The following ROBO2 variants were observed in gnomAD, a reference collection of about 807,000 sequenced individuals.
The protein encoded by ROBO2 is roundabout homolog 2.
ROBO2 carries 53 observed loss-of-function variants against 160.8 expected under a neutral mutation model. The observed-to-expected ratio is 0.33, with a 90% CI of 0.26 to 0.41. The LOEUF (loss-of-function observed/expected upper bound fraction) is 0.41, where lower values mean the gene tolerates loss of function less well. ROBO2 is among the 10% of genes least tolerant of loss of function. The pLI, the probability that ROBO2 is intolerant of heterozygous loss-of-function variation, is 1.00. For synonymous variants in ROBO2, 664 were observed against 611.7 expected, an observed-to-expected ratio of 1.09 and a Z score of -1.26; for missense variants, 1,577 against 1,722.4, an observed-to-expected ratio of 0.92 and a Z score of 1.49.
At chr3:77,637,025 C>T (rs2095275181) in intron 24 of ROBO2, among the ~76,000 whole-genome samples, 1 of 152,192 alleles carries the variant, frequency 6.6e-6, no homozygotes, top group African/African-American at 2.4e-5. Flanking sequence ...CCTATAAGCA[C>T]ACAAACATTA....
chr3:77,083,723 A>C (rs2068938340), intron 1 of ROBO2, among the ~76,000 whole-genome samples: 1 of 152,068 alleles, frequency 6.6e-6, no homozygotes, highest in Non-Finnish European at 1.5e-5. Flanking sequence ...GAAGAGTTAA[A>C]CCCCACAACC....
intron 2 of ROBO2, among the ~76,000 whole-genome samples, chr3:77,112,193 CAAA>C (rs373201643): frequency 0.012 from 815 of 68,660 alleles, 7 homozygotes; most frequent in African/African-American, 0.054. Flanking sequence ...AGACTCGTCT[CAAA>C]AAAAAAAAAA....
intron 2 of ROBO2, among the ~76,000 whole-genome samples, chr3:76,487,054 C>T (rs1032861500): frequency 6.6e-6 from 1 of 152,128 alleles, no homozygotes; most frequent in African/African-American, 2.4e-5. Flanking sequence ...ATGACAGCAT[C>T]GAACTCCTGG....
intron 2 of ROBO2, among the ~76,000 whole-genome samples, chr3:76,469,315 T>C (rs1670220963): frequency 6.6e-6 from 1 of 152,114 alleles, no homozygotes. Flanking sequence ...GTAATGCTCT[T>C]ATTCTAATAG....
At chr3:77,644,136 G>A (rs1583485040) in intron 24 of ROBO2, among the ~76,000 whole-genome samples, 1 of 151,246 alleles carries the variant, frequency 6.6e-6, no homozygotes, top group Non-Finnish European at 1.5e-5. Flanking sequence ...AAAAAAATTA[G>A]CATATTATTT....
intron 2 of ROBO2, among the ~76,000 whole-genome samples, chr3:76,377,793 T>G (rs998598882): frequency 3.3e-5 from 5 of 152,150 alleles, no homozygotes; most frequent in African/African-American, 1.2e-4. Context: ...GTGTATGTAT[T>G]TTTTCTTAAT....
At chr3:76,796,498 AGG>A (rs1491265845) in intron 2 of ROBO2, among the ~76,000 whole-genome samples, 13 of 122,632 alleles carry the variant, frequency 1.1e-4, no homozygotes, top group African/African-American at 5.2e-4. Flanking sequence ...GAAGGAAGGA[AGG>A]AAAGAAGGAA....
At chr3:75,985,230 C>A (rs1259188372) in intron 2 of ROBO2, among the ~76,000 whole-genome samples, 1 of 151,446 alleles carries the variant, frequency 6.6e-6, no homozygotes, top group Admixed American at 6.6e-5. Flanking sequence ...TTCTCACCTG[C>A]TTCAGACTTT....
chr3:77,402,091 A>G (rs1322359080), intron 2 of ROBO2, among the ~76,000 whole-genome samples: 5 of 152,196 alleles, frequency 3.3e-5, no homozygotes, highest in African/African-American at 1.2e-4. Flanking sequence ...ATGAAATACT[A>G]TGCAACCATA....
At chr3:76,418,423 T>C (rs974180239) in intron 2 of ROBO2, among the ~76,000 whole-genome samples, 1 of 150,276 alleles carries the variant, frequency 6.7e-6, no homozygotes, top group African/African-American at 2.4e-5. Flanking sequence ...GTATTTTTAG[T>C]AGAGACAGGG....
chr3:76,212,096 A>C (rs1011445368), intron 2 of ROBO2, among the ~76,000 whole-genome samples: 1 of 152,042 alleles, frequency 6.6e-6, no homozygotes, highest in Non-Finnish European at 1.5e-5. Flanking sequence ...AAAAGGAATT[A>C]TTCAATTATG....
chr3:77,602,516 G>A, intron 20 of ROBO2, 25 bp downstream of exon 21: 1 of 1,612,682 alleles, frequency 6.2e-7, no homozygotes, highest in Non-Finnish European at 8.5e-7. Flanking sequence ...TGTGTCCTGA[G>A]GAGGTATTTT....
chr3:76,860,241 T>A (rs2070605076), intron 2 of ROBO2, among the ~76,000 whole-genome samples: 1 of 152,174 alleles, frequency 6.6e-6, no homozygotes, highest in African/African-American at 2.4e-5. Context: ...TTCTGTTTAT[T>A]CATGTTTCCT....
chr3:77,249,143 C>G (rs910429543), intron 2 of ROBO2, among the ~76,000 whole-genome samples: 1 of 152,124 alleles, frequency 6.6e-6, no homozygotes, highest in Non-Finnish European at 1.5e-5. Flanking sequence ...GAGCCACCGC[C>G]CCTGCCCACA....
intron 2 of ROBO2, among the ~76,000 whole-genome samples, chr3:76,778,802 G>A (rs2062445015): frequency 6.6e-6 from 1 of 151,042 alleles, no homozygotes; most frequent in South Asian, 2.1e-4. Context: ...TTAGCAGTGA[G>A]TAATTGCATA....
intron 2 of ROBO2, among the ~76,000 whole-genome samples, chr3:77,121,811 A>G (rs1237635664): frequency 2.6e-5 from 4 of 152,160 alleles, no homozygotes; most frequent in Non-Finnish European, 5.9e-5. Context: ...GTTACTCTAC[A>G]GTGTAAAATT....
At chr3:77,395,270 C>T (rs1012210072) in intron 2 of ROBO2, among the ~76,000 whole-genome samples, 1 of 152,072 alleles carries the variant, frequency 6.6e-6, no homozygotes, top group African/African-American at 2.4e-5. Context: ...ACAGCTGTTA[C>T]TAGGATAACA....
chr3:76,326,400 A>G (rs968573613), intron 2 of ROBO2, among the ~76,000 whole-genome samples: 1 of 152,018 alleles, frequency 6.6e-6, no homozygotes, highest in Non-Finnish European at 1.5e-5. Flanking sequence ...AGATAAATGG[A>G]TGAGTGTGTT....
intron 2 of ROBO2, among the ~76,000 whole-genome samples, chr3:76,521,045 CTTTTTTTTT>C (rs58517740): frequency 5.0e-5 from 5 of 100,092 alleles, no homozygotes; most frequent in East Asian, 3.0e-4. Context: ...AAAATTGCTT[CTTTTTTTTT>C]TTTTTTTTTT....
Sources: gnomAD v4.1 joint callset for allele counts (sites outside exome capture counted in the v4.1 genomes callset) on GRCh38, gnomAD v4.1.1 for gene constraint, MANE v1.5 for transcripts, NCBI Gene and HGNC (gene_info 2026-07-23, HGNC 2026-07-21) for gene names.